PXDNL: variants seen among roughly 807,000 people sequenced by gnomAD.
The protein encoded by PXDNL is probable oxidoreductase PXDNL.
A neutral mutation model predicts 150.8 loss-of-function variants in PXDNL; 145 were observed. The ratio of observed to expected loss-of-function variants is 0.96; its 90% CI spans 0.84 to 1.10. The LOEUF is 1.10. PXDNL is among the 50% of genes least tolerant of loss of function. The pLI, the probability that PXDNL is intolerant of heterozygous loss-of-function variation, is 0.00. For missense variants in PXDNL, 2,087 were observed against 1,873.9 expected, an observed-to-expected ratio of 1.11 and a Z score of -2.10; for synonymous variants, 757 against 725.7, an observed-to-expected ratio of 1.04 and a Z score of -0.69.
intron 1 of PXDNL, among the ~76,000 whole-genome samples, chr8:51,762,539 C>A (rs1000803564): frequency 2.0e-5 from 3 of 152,228 alleles, no homozygotes; most frequent in African/African-American, 4.8e-5. Context: ...CCTGAACATT[C>A]CTTTCTATTG....
intron 8 of PXDNL, among the ~76,000 whole-genome samples, chr8:51,464,469 T>C (rs1810158602): frequency 9.4e-6 from 1 of 106,854 alleles, no homozygotes; most frequent in African/African-American, 3.4e-5. Flanking sequence ...GCTAGAACAT[T>C]GGCTAGATTA....
At chr8:51,559,355 T>C (rs1812671032) in intron 3 of PXDNL, among the ~76,000 whole-genome samples, 1 of 114,188 alleles carries the variant, frequency 8.8e-6, no homozygotes, top group Admixed American at 9.9e-5. Flanking sequence ...GCCACCTTCT[T>C]TCCTGATTAA....
At chr8:51,422,430 A>C (rs989325254) in intron 14 of PXDNL, among the ~76,000 whole-genome samples, 6 of 152,208 alleles carry the variant, frequency 3.9e-5, no homozygotes, top group Non-Finnish European at 8.8e-5. Context: ...CAGAATATGT[A>C]AGTGGAAGAA....
At chr8:51,503,931 A>G (rs1811234910) in intron 4 of PXDNL, among the ~76,000 whole-genome samples, 1 of 152,128 alleles carries the variant, frequency 6.6e-6, no homozygotes. Context: ...CTCAAATCCA[A>G]CATGTCTGAA....
At chr8:51,674,778 T>C (rs755993274) in intron 1 of PXDNL, among the ~76,000 whole-genome samples, 6 of 152,214 alleles carry the variant, frequency 3.9e-5, no homozygotes, top group Admixed American at 6.5e-5. Flanking sequence ...CATGTTAGAC[T>C]GGCATGCCGC....
chr8:51,330,058 C>A (rs1363398016), intron 21 of PXDNL, among the ~76,000 whole-genome samples: 1 of 152,168 alleles, frequency 6.6e-6, no homozygotes, highest in Non-Finnish European at 1.5e-5. Flanking sequence ...TTAATTCAAC[C>A]TTCCTCCAAT....
At chr8:51,748,361 G>A (rs2037008688) in intron 1 of PXDNL, among the ~76,000 whole-genome samples, 1 of 152,186 alleles carries the variant, frequency 6.6e-6, no homozygotes, top group South Asian at 2.1e-4. Context: ...AAAGGGTTTT[G>A]TCCTCAGTTA....
intron 4 of PXDNL, among the ~76,000 whole-genome samples, chr8:51,550,229 G>A (rs1322784773): frequency 2.0e-5 from 3 of 152,068 alleles, no homozygotes; most frequent in Non-Finnish European, 2.9e-5. Context: ...AGGACCAGAT[G>A]GATTCACAGC....
intron 1 of PXDNL, among the ~76,000 whole-genome samples, chr8:51,714,944 G>A (rs1816583374): frequency 6.6e-6 from 1 of 152,174 alleles, no homozygotes; most frequent in Non-Finnish European, 1.5e-5. Flanking sequence ...AAGAGAGCAT[G>A]TCCAACTTCT....
rs1023390749 is a variant in PXDNL, at chr8:51,472,275, C to A, written c.724G>T (p.Asp242Tyr). 4.3e-6 allele frequency: 7 copies of A among 1,612,970 alleles called. No individual in the cohort carries two copies. In the African/African-American group the frequency reaches 9.3e-5, roughly 22 times the overall value. ...QSPRITFEPQ[D>Y]VEVPSGNTVY... The stretch of plus-strand genomic sequence containing the variant: ...GTATTTCCTGATGGTACCTCCACAT[C>A]CTGCGGCTCAAAAGTAATTCGGGGG... The change falls in exon 8 of 23, where the codon GAT becomes TAT. Residue 242 changes from aspartate to tyrosine, a missense_variant. Physicochemically the swap from Asp to Tyr is radical, Grantham distance 160. Transcript: ENST00000356297.
intron 4 of PXDNL, among the ~76,000 whole-genome samples, chr8:51,554,248 T>G (rs920173396): frequency 1.3e-5 from 2 of 152,058 alleles, no homozygotes; most frequent in Non-Finnish European, 2.9e-5. Flanking sequence ...GTTTGGGAAT[T>G]TGGGGGGCAG....
chr8:51,444,108 C>T (rs900161930), intron 12 of PXDNL, among the ~76,000 whole-genome samples: 2 of 152,126 alleles, frequency 1.3e-5, no homozygotes, highest in Non-Finnish European at 2.9e-5. Context: ...AATATTTCCC[C>T]CTGTTTCATC....
chr8:51,799,435 G>A (rs2037596309), intron 1 of PXDNL, among the ~76,000 whole-genome samples: 1 of 152,134 alleles, frequency 6.6e-6, no homozygotes, highest in Non-Finnish European at 1.5e-5. Context: ...GAGAAAATGT[G>A]AGGTACAAGT....
At chr8:51,435,890 T>C (rs1394361881) in intron 12 of PXDNL, 1 of 469,372 alleles carries the variant, frequency 2.1e-6, no homozygotes, top group African/African-American at 2.0e-5. Flanking sequence ...CTAAAATGGA[T>C]CGTAAGCATA....
intron 5 of PXDNL, among the ~76,000 whole-genome samples, chr8:51,485,927 G>A (rs1810722622): frequency 6.6e-6 from 1 of 152,184 alleles, no homozygotes; most frequent in Admixed American, 6.5e-5. Flanking sequence ...CACTGGAACA[G>A]AGTTTCATGA....
chr8:51,561,928 T>C (rs901402332), intron 3 of PXDNL, among the ~76,000 whole-genome samples: 4 of 151,954 alleles, frequency 2.6e-5, no homozygotes, highest in African/African-American at 7.2e-5. Flanking sequence ...ATCATCTAAA[T>C]TATATAAAAT....
intron 1 of PXDNL, among the ~76,000 whole-genome samples, chr8:51,658,425 C>T (rs1476957933): frequency 2.7e-5 from 4 of 149,578 alleles, no homozygotes; most frequent in African/African-American, 4.9e-5. Flanking sequence ...TTCTCGAGAT[C>T]GACTTAAACT....
intron 2 of PXDNL, among the ~76,000 whole-genome samples, chr8:51,597,121 AT>A (rs892819102): frequency 7.9e-5 from 12 of 152,284 alleles, no homozygotes; most frequent in Admixed American, 2.0e-4. Flanking sequence ...TCTTCTACAT[AT>A]GGCTAGCCAG....
At chr8:51,649,371 T>G (rs1431212835) in intron 2 of PXDNL, among the ~76,000 whole-genome samples, 1 of 152,174 alleles carries the variant, frequency 6.6e-6, no homozygotes, top group African/African-American at 2.4e-5. Flanking sequence ...ACGTACTGTG[T>G]TTTTTAACCT....
Sources: allele counts gnomAD v4.1 joint callset (sites outside exome capture counted in the v4.1 genomes callset), GRCh38; gene constraint gnomAD v4.1.1; transcripts MANE v1.5; gene names NCBI Gene and HGNC (gene_info 2026-07-23, HGNC 2026-07-21).